SORCS2: variants seen among roughly 807,000 people sequenced by gnomAD.
The protein encoded by SORCS2 is sortilin related VPS10 domain containing receptor 2.
SORCS2 carries 100 observed loss-of-function variants against 141.6 expected under a neutral mutation model. The observed-to-expected ratio is 0.71, with a 90% CI of 0.60 to 0.83. The LOEUF is 0.83. Among genes scored for constraint, SORCS2 ranks in the 40% least tolerant of loss-of-function variants. SORCS2 has a pLI of 0.00. For synonymous variants in SORCS2, 789 were observed against 676.9 expected (o/e 1.17, Z -2.57); for missense variants, 1,646 against 1,560.2 (o/e 1.05, Z -0.93).
At chr4:7,257,776 C>T (rs1257663291) in intron 1 of SORCS2, among the ~76,000 whole-genome samples, 1 of 152,248 alleles carries the variant, frequency 6.6e-6, no homozygotes, top group Non-Finnish European at 1.5e-5. Flanking sequence ...TCTCTGCCTG[C>T]TCTGTGCCCT....
intron 3 of SORCS2, among the ~76,000 whole-genome samples, chr4:7,573,656 T>C (rs1230859529): frequency 1.3e-5 from 2 of 152,150 alleles, no homozygotes; most frequent in Non-Finnish European, 2.9e-5. Context: ...TAGCTGGGAT[T>C]ACAGGCATGC....
intron 3 of SORCS2, among the ~76,000 whole-genome samples, chr4:7,573,077 G>A (rs568476426): frequency 6.6e-6 from 1 of 152,312 alleles, no homozygotes; most frequent in South Asian, 2.1e-4. Context: ...TTTTGAAAAT[G>A]TAAGGTGAGT....
At chr4:7,724,126 G>A (rs867413330) in intron 19 of SORCS2, among the ~76,000 whole-genome samples, 27 of 139,088 alleles carry the variant, frequency 1.9e-4, no homozygotes, top group Non-Finnish European at 3.1e-4. Context: ...TGGTGGTGGT[G>A]GTGGTGGTGG....
In SORCS2 at chr4:7,380,464, A is replaced by G. The variant is rs1722917124; in HGVS notation, c.481-15824A>G. Among the ~76,000 whole-genome samples, 2 of 98,628 alleles carry G rather than the reference A, an allele frequency of 2.0e-5. 1 individual carries two copies. Among genetic ancestry groups the G allele is most frequent in the South Asian group, 5.6e-4 (2 of 3,564 alleles). 64.7% of individuals were successfully genotyped at this position (98,628 alleles called of 152,430 possible). A position where few individuals can be genotyped will look rare whatever the true frequency, so the allele number is the denominator to read the frequency against. ...GGACTGGTGAGGAAGCTGGTGTTGG[A>G]GATTCTGAATTCAAATTCAAGAGAA... On this transcript the variant is annotated intron_variant, in intron 1 of 26. Transcript: ENST00000507866.
chr4:7,397,487 C>T (rs971823560), intron 2 of SORCS2, among the ~76,000 whole-genome samples: 1 of 151,946 alleles, frequency 6.6e-6, no homozygotes, highest in East Asian at 1.9e-4. Context: ...CTCCCCAGAC[C>T]CACTGGTCTC....
At chr4:7,613,739 C>G (rs1177526740) in intron 3 of SORCS2, among the ~76,000 whole-genome samples, 1 of 152,148 alleles carries the variant, frequency 6.6e-6, no homozygotes, top group East Asian at 1.9e-4. Context: ...GATGGCCAGC[C>G]TAAGCCCTAC....
rs1239851724 is a variant in SORCS2 at position 7,682,905 on chromosome 4, C to T, written c.1488+16C>T. The stretch of plus-strand genomic sequence containing the variant: ...CTGCAAGCCTGTAAGTACCTCTGCT[C>T]ACATCACACACCATCCTTGGCGTGG... On this transcript the variant is annotated intron_variant, in intron 10 of 26. Transcript: ENST00000507866. 3 of 1,609,722 alleles carry T rather than the reference C, an allele frequency of 1.9e-6. No homozygotes were observed. The highest frequency in any genetic ancestry group is 1.3e-5 in the African/African-American group (1 of 74,790).
intron 2 of SORCS2, among the ~76,000 whole-genome samples, chr4:7,471,966 C>G (rs1459155429): frequency 2.0e-5 from 3 of 152,226 alleles, no homozygotes; most frequent in Non-Finnish European, 4.4e-5. Flanking sequence ...ACCTGGCCTC[C>G]CTCTGGAGAA....
chr4:7,602,364 C>T (rs182556702), intron 3 of SORCS2, among the ~76,000 whole-genome samples: 40,412 of 150,216 alleles, frequency 0.27, 5,627 homozygotes, highest in Non-Finnish European at 0.31. Context: ...CCAGACGGGG[C>T]GGCTGCTGGG....
chr4:7,406,538 T>G (rs952622790), intron 2 of SORCS2, among the ~76,000 whole-genome samples: 2 of 151,930 alleles, frequency 1.3e-5, no homozygotes, highest in African/African-American at 4.8e-5. Flanking sequence ...TTGTTTATAC[T>G]TGTCCTAGTA....
chr4:7,265,174 A>G (rs191641692), intron 1 of SORCS2, among the ~76,000 whole-genome samples: 256 of 152,276 alleles, frequency 1.7e-3, no homozygotes, highest in Non-Finnish European at 2.6e-3. Flanking sequence ...TTATTCTCCC[A>G]CAGTCCTGGA....
intron 4 of SORCS2, among the ~76,000 whole-genome samples, chr4:7,644,836 T>C (rs767713506): frequency 7.9e-5 from 12 of 152,212 alleles, no homozygotes; most frequent in Non-Finnish European, 2.9e-5. Context: ...AGTGATGAAA[T>C]TCACCCTTCC....
At chr4:7,649,924 A>T (rs1721323257) in intron 4 of SORCS2, among the ~76,000 whole-genome samples, 1 of 152,164 alleles carries the variant, frequency 6.6e-6, no homozygotes, top group African/African-American at 2.4e-5. Context: ...CGCGGCACAG[A>T]AGAAGTCAGT....
At position 7,487,702 on chromosome 4, in the gene SORCS2, G is replaced by A. The variant is rs532907066; in HGVS notation, c.549-43828G>A. Among the ~76,000 whole-genome samples, 77 of 152,282 alleles carry A rather than the reference G, an allele frequency of 5.1e-4. 3 individuals are homozygous for A. In the South Asian group the frequency reaches 9.7e-3, roughly 19 times the overall value. On this transcript the variant is annotated intron_variant, in intron 2 of 26. Transcript: ENST00000507866. ...GGCCTCTTCTGAGGACCTCAGAGCC[G>A]CCTTGGTGGGACTTGGCTCCCCCGC...
At chr4:7,729,755 T>C in intron 23 of SORCS2, 43 bp downstream of exon 23, 1 of 1,585,036 alleles carries the variant, frequency 6.3e-7, no homozygotes, top group Non-Finnish European at 8.6e-7. Flanking sequence ...TCCCTGCACA[T>C]CCCAGGGCTC....
chr4:7,355,753 C>T lies in SORCS2; in HGVS notation c.481-40535C>T, dbSNP rs114111521. ...ACTTGACTTCAGCGGCGCTGGGAAA[C>T]GCCCTCTCGCTGTGAGCCCGAGGAA... On this transcript the variant is annotated intron_variant, in intron 1 of 26. Coordinates refer to ENST00000507866, the MANE Select transcript of SORCS2 (RefSeq NM_020777.3). Among the ~76,000 whole-genome samples the T allele has an allele frequency of 2.8e-3, 426 of 152,374 alleles. 4 individuals are homozygous for T. Among genetic ancestry groups the T allele is most frequent in the African/African-American group, 8.9e-3 (369 of 41,588 alleles).
At chr4:7,539,572 T>G (rs1368039670) in intron 3 of SORCS2, among the ~76,000 whole-genome samples, 1 of 152,090 alleles carries the variant, frequency 6.6e-6, no homozygotes, top group Non-Finnish European at 1.5e-5. Context: ...CCTCCCTCCT[T>G]GTTTTCTTCC....
intron 1 of SORCS2, among the ~76,000 whole-genome samples, chr4:7,314,806 T>G (rs1297298791): frequency 5.0e-5 from 3 of 60,112 alleles, no homozygotes; most frequent in South Asian, 8.9e-4. Context: ...TTCTGTTTTT[T>G]TTTTTTTTTT....
At chr4:7,251,122 G>T (rs1464674396) in intron 1 of SORCS2, among the ~76,000 whole-genome samples, 1 of 152,204 alleles carries the variant, frequency 6.6e-6, no homozygotes, top group African/African-American at 2.4e-5. Flanking sequence ...GGTGACTGAA[G>T]CCCAATTCAA....
Sources: gnomAD v4.1 joint callset for allele counts (sites outside exome capture counted in the v4.1 genomes callset) on GRCh38, gnomAD v4.1.1 for gene constraint, MANE v1.5 for transcripts, NCBI Gene and HGNC (gene_info 2026-07-23, HGNC 2026-07-21) for gene names.